The following LRP1B variants were observed in gnomAD, a reference collection of about 807,000 sequenced individuals.
LRP1B encodes the protein LDL receptor related protein 1B, also known as low-density lipoprotein receptor-related protein 1B.
Under a neutral mutation model 556.6 loss-of-function variants are expected in LRP1B, and 217 were observed. The ratio of observed to expected loss-of-function variants is 0.39; its 90% CI spans 0.35 to 0.44. The LOEUF (loss-of-function observed/expected upper bound fraction) is 0.44, where lower values mean the gene tolerates loss of function less well. Among genes scored for constraint, LRP1B ranks in the 20% least tolerant of loss-of-function variants. LRP1B has a pLI of 1.00. For synonymous variants in LRP1B, 2,047 were observed against 1,865.8 expected, an observed-to-expected ratio of 1.10 and a Z score of -2.50; for missense variants, 5,053 against 5,620.8, an observed-to-expected ratio of 0.90 and a Z score of 3.23.
At chr2:141,066,081 C>T (rs1049975789) in intron 7 of LRP1B, among the ~76,000 whole-genome samples, 1 of 151,964 alleles carries the variant, frequency 6.6e-6, no homozygotes, top group Non-Finnish European at 1.5e-5. Flanking sequence ...TTTCCACTAA[C>T]AAAAATTAAT....
chr2:141,437,198 T>A (rs867258579), intron 3 of LRP1B, among the ~76,000 whole-genome samples: 2 of 152,240 alleles, frequency 1.3e-5, no homozygotes, highest in African/African-American at 2.4e-5. Context: ...ATTATTAATA[T>A]ATGAATATTC....
At chr2:141,041,706 C>G (rs780712012) in intron 11 of LRP1B, among the ~76,000 whole-genome samples, 1 of 151,964 alleles carries the variant, frequency 6.6e-6, no homozygotes, top group East Asian at 1.9e-4. Flanking sequence ...ATTTGGTGTA[C>G]GTTTTCAAAA....
At chr2:141,085,340 C>G (rs1348397925) in intron 7 of LRP1B, among the ~76,000 whole-genome samples, 1 of 152,038 alleles carries the variant, frequency 6.6e-6, no homozygotes, top group Non-Finnish European at 1.5e-5. Context: ...GTGTTGAAAC[C>G]TTAACTGTTT....
intron 1 of LRP1B, among the ~76,000 whole-genome samples, chr2:141,868,618 C>T (rs1011802351): frequency 6.6e-6 from 1 of 152,118 alleles, no homozygotes; most frequent in Admixed American, 6.6e-5. Flanking sequence ...CTGACCTGAT[C>T]TTTATCTGTT....
chr2:140,275,898 A>C (rs1364448601), intron 84 of LRP1B, among the ~76,000 whole-genome samples: 1 of 151,984 alleles, frequency 6.6e-6, no homozygotes, highest in African/African-American at 2.4e-5. Context: ...TTAATAATAT[A>C]ACAACCACTC....
chr2:140,529,762 C>T, intron 47 of LRP1B, among the ~76,000 whole-genome samples: 1 of 152,002 alleles, frequency 6.6e-6, no homozygotes, highest in East Asian at 1.9e-4. Flanking sequence ...AGTCTGTACT[C>T]ATCTCAGCAG....
At chr2:141,114,322 G>C (rs531460904) in intron 7 of LRP1B, among the ~76,000 whole-genome samples, 1 of 152,294 alleles carries the variant, frequency 6.6e-6, no homozygotes, top group South Asian at 2.1e-4. Flanking sequence ...TTTACACCCT[G>C]CTCTCTTGGT....
At chr2:141,993,302 C>T (rs1702396242) in intron 1 of LRP1B, among the ~76,000 whole-genome samples, 1 of 152,102 alleles carries the variant, frequency 6.6e-6, no homozygotes, top group South Asian at 2.1e-4. Context: ...ACAATGGTGA[C>T]CTCTGGATAC....
At chr2:140,715,343 G>T (rs1203293556) in intron 37 of LRP1B, among the ~76,000 whole-genome samples, 1 of 151,862 alleles carries the variant, frequency 6.6e-6, no homozygotes, top group Non-Finnish European at 1.5e-5. Flanking sequence ...ATTTAATTAG[G>T]GTAAAGATAA....
At position 141,229,187 on chromosome 2, in the gene LRP1B, G is replaced by A; in HGVS notation, c.846C>T (p.Phe282=). 1.9e-6 allele frequency: 3 copies of A among 1,612,840 alleles called. No individual in the cohort carries two copies. The highest frequency in any genetic ancestry group is 2.5e-6 in the Non-Finnish European group (3 of 1,179,340). ...ATATTTAATTGAAACACTTACTGTG[G>A]AAGGATTGAAGAATATTGATTGTCC... ...DEWTINILQS[F]HNVQQMAIDW... The change falls in exon 6 of 91, where the codon TTC becomes TTT. Residue 282 remains phenylalanine (F), a synonymous_variant. Transcript: ENST00000389484.
chr2:141,377,247 A>G lies in LRP1B; in HGVS notation c.343+103149T>C, dbSNP rs921970599. Among the ~76,000 whole-genome samples the G allele has an allele frequency of 2.0e-5, 3 of 152,210 alleles. No homozygotes were observed. The South Asian group carries it at 6.2e-4, about 31-fold the overall frequency. ...TTCGAAATATATTCATCCAAAAAAT[A>G]TCTAATTTTCTAAAGAAATTATAGA... On this transcript the variant is annotated intron_variant, in intron 3 of 90. Transcript: ENST00000389484.
chr2:140,920,380 G>T (rs1206702985), intron 21 of LRP1B, among the ~76,000 whole-genome samples: 1 of 152,002 alleles, frequency 6.6e-6, no homozygotes, highest in African/African-American at 2.4e-5. Flanking sequence ...GACAATTTAT[G>T]TATAAGAAAG....
intron 18 of LRP1B, among the ~76,000 whole-genome samples, chr2:140,961,681 T>G (rs1455184253): frequency 6.6e-6 from 1 of 152,130 alleles, no homozygotes; most frequent in African/African-American, 2.4e-5. Flanking sequence ...TACCATGAGG[T>G]AAGCATGTTT....
At chr2:141,251,053 T>C (rs957413887) in intron 4 of LRP1B, among the ~76,000 whole-genome samples, 1 of 152,194 alleles carries the variant, frequency 6.6e-6, no homozygotes, top group African/African-American at 2.4e-5. Context: ...ATTTTATAAT[T>C]GTGGAAACTC....
chr2:141,673,767 T>C (rs1436897007), intron 2 of LRP1B, among the ~76,000 whole-genome samples: 4 of 152,142 alleles, frequency 2.6e-5, no homozygotes, highest in Non-Finnish European at 5.9e-5. Context: ...GATTCTAATG[T>C]AGTGCCATAG....
intron 66 of LRP1B, among the ~76,000 whole-genome samples, chr2:140,441,962 T>C (rs934040294): frequency 2.6e-5 from 4 of 152,176 alleles, no homozygotes; most frequent in Non-Finnish European, 5.9e-5. Flanking sequence ...GAAATAATTA[T>C]TGTAAATAAA....
At chr2:141,555,861 AG>A (rs1000916905) in intron 2 of LRP1B, among the ~76,000 whole-genome samples, 1 of 151,912 alleles carries the variant, frequency 6.6e-6, no homozygotes, top group Admixed American at 6.6e-5. Flanking sequence ...CACTTTCAAA[AG>A]CACTTTCTAT....
At chr2:141,545,106 T>G (rs1417899304) in intron 2 of LRP1B, among the ~76,000 whole-genome samples, 1 of 152,190 alleles carries the variant, frequency 6.6e-6, no homozygotes, top group African/African-American at 2.4e-5. Context: ...TTGTCCAGAT[T>G]CACACAGCTA....
intron 2 of LRP1B, among the ~76,000 whole-genome samples, chr2:141,574,716 CA>C (rs2105268844): frequency 6.6e-6 from 1 of 152,246 alleles, no homozygotes; most frequent in African/African-American, 2.4e-5. Flanking sequence ...CCCAACATCT[CA>C]GCCTAAAAAC....
Sources: allele counts gnomAD v4.1 joint callset (sites outside exome capture counted in the v4.1 genomes callset), GRCh38; gene constraint gnomAD v4.1.1; transcripts MANE v1.5; gene names NCBI Gene and HGNC (gene_info 2026-07-23, HGNC 2026-07-21).